The following DIS3L2 variants were observed in gnomAD, a reference collection of about 807,000 sequenced individuals.
The protein encoded by DIS3L2 is DIS3-like exonuclease 2.
DIS3L2 carries 34 observed loss-of-function variants against 97.5 expected under a neutral mutation model. The observed-to-expected ratio is 0.35, with a 90% confidence interval of 0.27 to 0.46. The LOEUF (loss-of-function observed/expected upper bound fraction) is 0.46, where lower values mean the gene tolerates loss of function less well. Among genes scored for constraint, DIS3L2 ranks in the 20% least tolerant of loss-of-function variants. The pLI, the probability that DIS3L2 is intolerant of heterozygous loss-of-function variation, is 1.00. For synonymous variants in DIS3L2, 435 were observed against 445.2 expected (o/e 0.98, Z 0.29); for missense variants, 1,038 against 1,146.0 (o/e 0.91, Z 1.36).
rs376661873 is a variant in DIS3L2 at position 232,269,443 on chromosome 2, A to G, written c.1659+6003A>G. Among the ~76,000 whole-genome samples, 1 of 152,332 alleles carries G rather than the reference A, an allele frequency of 6.6e-6. No homozygotes were observed. Among genetic ancestry groups the G allele is most frequent in the East Asian group, 1.9e-4 (1 of 5,188 alleles). ...TGATCACAGGGTTGAGTATATTTGT[A>G]GAATCATTCTGTTTTCTTAGTCGTA... On this transcript the variant is annotated intron_variant, in intron 13 of 20. Transcript: ENST00000325385. This position sits in a 1 kb window ranked among gnomAD's most constrained non-coding sequence, Gnocchi z 4.5.
chr2:232,184,573 C>T (rs1380281062), intron 9 of DIS3L2, among the ~76,000 whole-genome samples: 1 of 151,924 alleles, frequency 6.6e-6, no homozygotes, highest in Non-Finnish European at 1.5e-5. Flanking sequence ...TCACTTGAGC[C>T]CAGGAGGTTG....
intron 1 of DIS3L2, among the ~76,000 whole-genome samples, chr2:231,983,658 A>G (rs1693323016): frequency 6.6e-6 from 1 of 152,300 alleles, no homozygotes; most frequent in African/African-American, 2.4e-5. Flanking sequence ...TGGGAGGCCA[A>G]GGTGGGTGGA....
At chr2:232,303,219 T>C (rs1249816427) in intron 14 of DIS3L2, among the ~76,000 whole-genome samples, 4 of 152,362 alleles carry the variant, frequency 2.6e-5, no homozygotes, top group East Asian at 3.9e-4. Flanking sequence ...TCATGAGTTA[T>C]GAAGCACGGA....
rs60195881 is a variant in DIS3L2 at position 232,133,987 on chromosome 2, C to CAAAA, written c.703-2473_703-2470dup. Among the ~76,000 whole-genome samples, 6 of 76,324 alleles carry CAAAA rather than the reference C, an allele frequency of 7.9e-5. 1 individual carries two copies. The highest frequency in any genetic ancestry group is 7.4e-4 in the Admixed American group (5 of 6,744). The allele number at this position is 76,324 out of a possible 152,430, so 50.1% of individuals were successfully genotyped here. A position where few individuals can be genotyped will look rare whatever the true frequency, so the allele number is the denominator to read the frequency against. On this transcript the variant is annotated intron_variant, in intron 7 of 20. Coordinates refer to ENST00000325385, the MANE Select transcript of DIS3L2 (RefSeq NM_152383.5). The stretch of plus-strand genomic sequence containing the variant: ...TGGGTAACAGAGCAAGACTCTGTCT[C>CAAAA]AAAAAAAAAAAAAAATTATATAAAG...
intron 6 of DIS3L2, among the ~76,000 whole-genome samples, chr2:232,130,052 A>G (rs1283805328): frequency 6.6e-6 from 1 of 152,188 alleles, no homozygotes; most frequent in Non-Finnish European, 1.5e-5. Flanking sequence ...AGGAAATTAA[A>G]CATTAAAAGA....
exon 14 of DIS3L2, chr2:232,343,583 T>A (rs758929097): frequency 5.7e-6 from 9 of 1,575,236 alleles, no homozygotes; most frequent in Non-Finnish European, 4.3e-6. Context: ...TGAAGAAGCA[T>A]GTGGAATTCC....
chr2:232,319,911 T>C (rs192099852), intron 14 of DIS3L2, among the ~76,000 whole-genome samples: 5 of 152,356 alleles, frequency 3.3e-5, no homozygotes, highest in Middle Eastern at 3.4e-3. Context: ...CAGGGCCTAA[T>C]CCAGGTTGTT....
intron 5 of DIS3L2, among the ~76,000 whole-genome samples, chr2:232,080,522 C>T (rs972917578): frequency 6.6e-6 from 1 of 152,082 alleles, no homozygotes; most frequent in African/African-American, 2.4e-5. Context: ...ACAGTCATAA[C>T]GAATTAATGA....
intron 14 of DIS3L2, among the ~76,000 whole-genome samples, chr2:232,300,728 C>T (rs1029808880): frequency 2.7e-5 from 4 of 149,380 alleles, no homozygotes; most frequent in Non-Finnish European, 4.4e-5. Flanking sequence ...AATCGTGGCT[C>T]ACTGCAGCCC....
rs1243292837 is a variant in DIS3L2, at chr2:232,037,236, A to G, written c.366+7156A>G. On this transcript the variant is annotated intron_variant, in intron 5 of 20. Transcript: ENST00000325385. The surrounding 1 kb of genome is among the most constrained non-coding windows in gnomAD (Gnocchi z 4.6). ...CCTTTCTTTCAGAGATGCCCTATCC[A>G]GAGAGAAGGACTCTAGAGAGGTAGT... Among the ~76,000 whole-genome samples the G allele has an allele frequency of 1.3e-5, 2 of 152,208 alleles. No homozygotes were observed. The highest frequency in any genetic ancestry group is 2.9e-5 in the Non-Finnish European group (2 of 68,030).
At chr2:232,271,576 G>A (rs1354636201) in intron 13 of DIS3L2, among the ~76,000 whole-genome samples, 3 of 152,188 alleles carry the variant, frequency 2.0e-5, no homozygotes, top group Non-Finnish European at 4.4e-5. Context: ...AAGAATATTA[G>A]CCTCCTACAT....
rs201318064 is a variant in DIS3L2, at chr2:232,258,615, A to G, written c.1426-4592A>G. Among the ~76,000 whole-genome samples the G allele has an allele frequency of 1.0e-4, 15 of 150,494 alleles. 1 individual carries two copies. In the East Asian group the frequency reaches 2.5e-3, roughly 25 times the overall value. On this transcript the variant is annotated intron_variant, in intron 12 of 20. Transcript: ENST00000325385. ...CTCTGTCTCAAAAAAAAAAAAAAAA[A>G]AAAAAGGAAAGAGGAAAGACATGAT...
In DIS3L2 at chr2:232,199,333, G is replaced by C. The variant is rs150255955; in HGVS notation, c.1125-10993G>C. Among the ~76,000 whole-genome samples, 493 of 152,300 alleles carry C rather than the reference G, an allele frequency of 3.2e-3. 3 individuals carry two copies. Among genetic ancestry groups the C allele is most frequent in the African/African-American group, 0.011 (448 of 41,556 alleles). On this transcript the variant is annotated intron_variant, in intron 9 of 20. Transcript: ENST00000325385. ...TCAGCTAATTCTTTGTGGCCATGAA[G>C]GGCCTGAATTTTGAAGTTTCTCGGA...
chr2:232,263,592 T>C (rs1315013647), intron 13 of DIS3L2, 152 bp downstream of exon 13: 2 of 716,124 alleles, frequency 2.8e-6, no homozygotes, highest in Non-Finnish European at 4.7e-6. Flanking sequence ...CGGCAGGAAC[T>C]AACTCCCATT....
At chr2:232,148,034 G>A (rs1487100323) in intron 8 of DIS3L2, among the ~76,000 whole-genome samples, 49 of 83,626 alleles carry the variant, frequency 5.9e-4, no homozygotes, top group African/African-American at 2.1e-3. Context: ...CTCTTCTCCT[G>A]TCCCCTCCCC....
intron 16 of DIS3L2, among the ~76,000 whole-genome samples, chr2:232,332,233 A>T (rs1438504249): frequency 6.7e-6 from 1 of 149,026 alleles, no homozygotes; most frequent in East Asian, 2.0e-4. Context: ...CATGTCTGGG[A>T]GTGGAGGCTG....
chr2:232,032,758 C>T (rs1408767308), intron 5 of DIS3L2, among the ~76,000 whole-genome samples: 1 of 152,136 alleles, frequency 6.6e-6, no homozygotes, highest in East Asian at 1.9e-4. Flanking sequence ...ATCCTTTCCC[C>T]ATTGCTTGTT....
chr2:232,058,759 A>C (rs1379280728), intron 5 of DIS3L2, among the ~76,000 whole-genome samples: 1 of 152,120 alleles, frequency 6.6e-6, no homozygotes, highest in East Asian at 1.9e-4. Flanking sequence ...AGTGGGTGTA[A>C]ATCCAGGTTT....
intron 4 of DIS3L2, among the ~76,000 whole-genome samples, chr2:232,028,435 T>C (rs886897170): frequency 2.0e-5 from 3 of 152,114 alleles, no homozygotes; most frequent in Admixed American, 1.3e-4. Flanking sequence ...AAGAGCTGAG[T>C]ATGATGCAGT....
Sources: gnomAD v4.1 joint callset for allele counts (sites outside exome capture counted in the v4.1 genomes callset) on GRCh38, gnomAD v4.1.1 for gene constraint, Gnocchi (gnomAD v3.1) non-coding constraint, MANE v1.5 for transcripts, NCBI Gene and HGNC (gene_info 2026-07-23, HGNC 2026-07-21) for gene names.